The following ATP8A1 variants were observed in gnomAD, a reference collection of about 807,000 sequenced individuals.
The protein encoded by ATP8A1 is ATPase phospholipid transporting 8A1, also known as phospholipid-transporting ATPase IA.
In ATP8A1, 90 loss-of-function variants were observed where a neutral mutation model predicts 177.7. The observed-to-expected ratio is 0.51, with a 90% CI of 0.43 to 0.60. The LOEUF (loss-of-function observed/expected upper bound fraction) is 0.60, where lower values mean the gene tolerates loss of function less well. Ranked by LOEUF, ATP8A1 falls within the 20% of genes least tolerant of loss-of-function variation. The pLI is 0.00. For missense variants in ATP8A1, 1,072 were observed against 1,392.8 expected (o/e 0.77, Z 3.67); for synonymous variants, 493 against 485.9 (o/e 1.01, Z -0.19).
chr4:42,600,419 T>C, intron 6 of ATP8A1, 59 bp downstream of exon 6: 4 of 1,431,092 alleles, frequency 2.8e-6, no homozygotes, highest in Middle Eastern at 2.1e-4. Flanking sequence ...AAATTATATA[T>C]ACTAGAGTAC....
intron 6 of ATP8A1, among the ~76,000 whole-genome samples, chr4:42,598,121 C>T (rs1182746020): frequency 6.6e-6 from 1 of 151,996 alleles, no homozygotes; most frequent in African/African-American, 2.4e-5. Context: ...TATTGCTCTT[C>T]TTCAAATATT....
chr4:42,448,399 T>TAC (rs1281630660), intron 30 of ATP8A1, among the ~76,000 whole-genome samples: 11 of 99,598 alleles, frequency 1.1e-4, no homozygotes, highest in East Asian at 9.9e-4. Flanking sequence ...TCTCTTTCTT[T>TAC]TCTTTTTTTT....
chr4:42,595,919 C>T (rs1039941062), intron 6 of ATP8A1, among the ~76,000 whole-genome samples: 2 of 152,200 alleles, frequency 1.3e-5, no homozygotes, highest in Non-Finnish European at 1.5e-5. Flanking sequence ...TTATATGGTA[C>T]CCCAGTGGCC....
chr4:42,477,592 T>C (rs1467101943), intron 25 of ATP8A1, among the ~76,000 whole-genome samples: 1 of 152,156 alleles, frequency 6.6e-6, no homozygotes, highest in Admixed American at 6.5e-5. Flanking sequence ...TAGCAAAGAT[T>C]TGGAGGAAAC....
chr4:42,600,895 C>G (rs1485956269), intron 5 of ATP8A1, among the ~76,000 whole-genome samples: 1 of 152,036 alleles, frequency 6.6e-6, no homozygotes, highest in Admixed American at 6.6e-5. Context: ...AGAAAAATCA[C>G]AAGCACAGAA....
chr4:42,455,597 G>T lies in ATP8A1; in HGVS notation c.2622C>A (p.Ile874=). 6.2e-7 allele frequency: 1 copy of T among 1,611,996 alleles called. No homozygotes were observed. The highest frequency in any genetic ancestry group is 8.5e-7 in the Non-Finnish European group (1 of 1,179,362). The part of the protein sequence containing the change: ...YKNIVLYIIE[I]WFAFVNGFSG... Reference sequence around the variant, plus strand: ...AAAAGCCATTAACAAAGGCAAACCAGATCTAGGAAAAAAAACCCAAAACCC... The same window carrying T: ...AAAAGCCATTAACAAAGGCAAACCATATCTAGGAAAAAAAACCCAAAACCC... Residue 874 remains isoleucine, a splice_region_variant and synonymous_variant, in exon 28 of 37, where the codon ATC becomes ATA. Coordinates refer to ENST00000381668, the MANE Select transcript of ATP8A1 (RefSeq NM_006095.2).
At chr4:42,434,826 C>A (rs1339077611) in intron 33 of ATP8A1, among the ~76,000 whole-genome samples, 1 of 152,188 alleles carries the variant, frequency 6.6e-6, no homozygotes, top group African/African-American at 2.4e-5. Flanking sequence ...GACAGCCATT[C>A]TAGACTGAGG....
intron 25 of ATP8A1, among the ~76,000 whole-genome samples, chr4:42,475,758 C>T (rs1249404396): frequency 6.6e-6 from 1 of 152,070 alleles, no homozygotes; most frequent in African/African-American, 2.4e-5. Flanking sequence ...AAAACCAGGG[C>T]CGGGCTGGGT....
At chr4:42,474,578 A>G (rs1323179725) in intron 25 of ATP8A1, among the ~76,000 whole-genome samples, 1 of 152,238 alleles carries the variant, frequency 6.6e-6, no homozygotes, top group South Asian at 2.1e-4. Context: ...CTGAAGGCAC[A>G]GAGCCAGGCA....
chr4:42,494,162 CAAAAAAAAAA>C (rs397993131), intron 24 of ATP8A1, among the ~76,000 whole-genome samples: 1 of 53,458 alleles, frequency 1.9e-5, no homozygotes, highest in African/African-American at 5.8e-5. Flanking sequence ...GATCATGCCA[CAAAAAAAAAA>C]AAAAAAAAAA....
intron 18 of ATP8A1, among the ~76,000 whole-genome samples, chr4:42,550,757 T>C (rs972093228): frequency 6.6e-6 from 1 of 152,208 alleles, no homozygotes; most frequent in African/African-American, 2.4e-5. Flanking sequence ...CTTAATTGTA[T>C]CTCCCCAATG....
At chr4:42,562,509 T>C (rs1730939949) in intron 15 of ATP8A1, 1 of 152,342 alleles carries the variant, frequency 6.6e-6, no homozygotes, top group Non-Finnish European at 1.5e-5. Flanking sequence ...ATGGTACAAC[T>C]GGCTGCAAAG....
At chr4:42,467,023 G>T (rs1315296081) in intron 25 of ATP8A1, among the ~76,000 whole-genome samples, 1 of 152,178 alleles carries the variant, frequency 6.6e-6, no homozygotes, top group Non-Finnish European at 1.5e-5. Flanking sequence ...TACACCAAGG[G>T]TTCAACAGAA....
At chr4:42,428,340 ACT>A (rs1429748454) in intron 33 of ATP8A1, among the ~76,000 whole-genome samples, 2 of 152,106 alleles carry the variant, frequency 1.3e-5, no homozygotes, top group Non-Finnish European at 2.9e-5. Context: ...CTGAACACAC[ACT>A]GTCTTCCCTC....
chr4:42,421,536 C>T (rs569516132), intron 35 of ATP8A1, among the ~76,000 whole-genome samples: 4 of 152,110 alleles, frequency 2.6e-5, no homozygotes, highest in South Asian at 2.1e-4. Context: ...AGATAGTACA[C>T]GTAAAATGCA....
intron 5 of ATP8A1, among the ~76,000 whole-genome samples, chr4:42,608,068 T>C (rs1735982275): frequency 6.6e-6 from 1 of 152,216 alleles, no homozygotes; most frequent in South Asian, 2.1e-4. Flanking sequence ...ACCTCAAATG[T>C]AACTTGTTTT....
intron 15 of ATP8A1, among the ~76,000 whole-genome samples, chr4:42,560,575 T>TA (rs59907844): frequency 0.25 from 38,439 of 151,472 alleles, 5,208 homozygotes; most frequent in Non-Finnish European, 0.31. Context: ...CTTTAATGAG[T>TA]AAGGAACAGG....
chr4:42,585,529 C>G (rs1454606354), intron 9 of ATP8A1, among the ~76,000 whole-genome samples: 2 of 146,508 alleles, frequency 1.4e-5, no homozygotes, highest in African/African-American at 5.2e-5. Flanking sequence ...TACTAGATGA[C>G]ATCTATGAGA....
intron 25 of ATP8A1, among the ~76,000 whole-genome samples, chr4:42,479,730 GGT>G (rs1721457832): frequency 6.6e-6 from 1 of 152,118 alleles, no homozygotes; most frequent in Non-Finnish European, 1.5e-5. Context: ...GGTTGTGGAA[GGT>G]ATATATGTTT....
Sources: allele counts gnomAD v4.1 joint callset (sites outside exome capture counted in the v4.1 genomes callset), GRCh38; gene constraint gnomAD v4.1.1; transcripts MANE v1.5; gene names NCBI Gene and HGNC (gene_info 2026-07-23, HGNC 2026-07-21).